The following RUNX1 variants were observed in gnomAD, a reference collection of about 807,000 sequenced individuals.
The protein encoded by RUNX1 is RUNX family transcription factor 1, also known as runt-related transcription factor 1.
RUNX1 carries 19 observed loss-of-function variants against 42.8 expected under a neutral mutation model. The observed-to-expected ratio is 0.44, with a 90% CI of 0.31 to 0.65. RUNX1 has a LOEUF of 0.65. RUNX1 is among the 30% of genes least tolerant of loss of function. The pLI is 0.07. For missense variants in RUNX1, 528 were observed against 672.0 expected (o/e 0.79, Z 2.37); for synonymous variants, 271 against 289.4 (o/e 0.94, Z 0.64).
intron 5 of RUNX1, among the ~76,000 whole-genome samples, chr21:34,860,147 A>G (rs1399788896): frequency 6.6e-6 from 1 of 152,262 alleles, no homozygotes; most frequent in Non-Finnish European, 1.5e-5. Flanking sequence ...GGGATCAGTC[A>G]GAATAAAATT....
chr21:34,943,427 G>C (rs960111826), intron 2 of RUNX1, among the ~76,000 whole-genome samples: 17 of 152,124 alleles, frequency 1.1e-4, no homozygotes, highest in Non-Finnish European at 2.4e-4. Flanking sequence ...ACATTAAAAG[G>C]ATCTTTACTA....
At chr21:34,919,289 C>G (rs150660871) in intron 2 of RUNX1, among the ~76,000 whole-genome samples, 18 of 152,228 alleles carry the variant, frequency 1.2e-4, no homozygotes, top group African/African-American at 4.3e-4. Flanking sequence ...AAAGTGATGA[C>G]CATGGAGAGA....
chr21:34,940,914 G>T (rs1157775925), intron 2 of RUNX1, among the ~76,000 whole-genome samples: 1 of 152,216 alleles, frequency 6.6e-6, no homozygotes, highest in African/African-American at 2.4e-5. Flanking sequence ...GGTCTAGGTT[G>T]CCTTCTCAAT....
chr21:34,851,004 G>A (rs530177386), intron 6 of RUNX1, among the ~76,000 whole-genome samples: 3 of 152,234 alleles, frequency 2.0e-5, no homozygotes, highest in South Asian at 2.1e-4. Context: ...GTGATGTGAC[G>A]GTGGTACTAC....
intron 3 of RUNX1, chr21:34,887,363 G>A: frequency 7.0e-7 from 1 of 1,426,994 alleles, no homozygotes; most frequent in Non-Finnish European, 9.1e-7. Context: ...GCAACCGATT[G>A]CTTAGTGCAT....
chr21:34,788,038 G>A lies in RUNX1; in HGVS notation c.*4097C>T. 4.3e-6 allele frequency: 1 copy of A among 233,316 alleles called. No individual in the cohort carries two copies. Among genetic ancestry groups the A allele is most frequent in the Non-Finnish European group, 8.5e-6 (1 of 118,062 alleles). 14.5% of individuals were successfully genotyped at this position (233,316 alleles called of 1,614,324 possible). A position where few individuals can be genotyped will look rare whatever the true frequency, so the allele number is the denominator to read the frequency against. On this transcript the variant is annotated 3_prime_UTR_variant, in exon 9 of 9. Coordinates refer to ENST00000675419, the MANE Select transcript of RUNX1 (RefSeq NM_001754.5). ...AGTGCCTGCTCTCCTGTGCTATCTA[G>A]AAACACCTTGGAGAGAGGGTTCTGG...
At position 34,899,023 on chromosome 21, in the gene RUNX1, C is replaced by T. The variant is rs28463678; in HGVS notation, c.59-6060G>A. Among the ~76,000 whole-genome samples, 1,126 of 152,296 alleles carry T rather than the reference C, an allele frequency of 7.4e-3. 13 individuals carry two copies. Among genetic ancestry groups the T allele is most frequent in the African/African-American group, 0.025 (1,046 of 41,546 alleles). On this transcript the variant is annotated intron_variant, in intron 2 of 8. Coordinates refer to ENST00000675419, the MANE Select transcript of RUNX1 (RefSeq NM_001754.5). ...CCACCTCCTGGGTTCAAGTGATTCT[C>T]CTGCCTCAGCCTCCTGAGAAGTTGG...
intron 2 of RUNX1, among the ~76,000 whole-genome samples, chr21:34,960,421 G>A (rs1437731665): frequency 6.6e-6 from 1 of 152,198 alleles, no homozygotes; most frequent in Admixed American, 6.5e-5. Flanking sequence ...ACACGTTTGG[G>A]AGATGGAAGA....
intron 5 of RUNX1, among the ~76,000 whole-genome samples, chr21:34,872,322 G>C (rs752931232): frequency 6.6e-6 from 1 of 152,158 alleles, no homozygotes; most frequent in Non-Finnish European, 1.5e-5. Context: ...TCATGAGGGG[G>C]TGGCTACAGT....
intron 2 of RUNX1, among the ~76,000 whole-genome samples, chr21:35,002,094 C>T (rs1052794134): frequency 6.6e-6 from 1 of 152,022 alleles, no homozygotes; most frequent in African/African-American, 2.4e-5. Context: ...TGTAATCCCC[C>T]ATCAAAATCC....
intron 4 of RUNX1, 31 bp from the exon 5 acceptor site, chr21:34,880,744 A>G: frequency 6.2e-7 from 1 of 1,612,462 alleles, no homozygotes; most frequent in Non-Finnish European, 8.5e-7. Flanking sequence ...AAATGCAGAC[A>G]TCAGGGATGT....
intron 2 of RUNX1, among the ~76,000 whole-genome samples, chr21:35,037,603 CAGG>C (rs1353588914): frequency 2.0e-5 from 3 of 152,222 alleles, no homozygotes; most frequent in Non-Finnish European, 4.4e-5. Flanking sequence ...GGCTCTGCTG[CAGG>C]AACTGCCTCT....
intron 2 of RUNX1, among the ~76,000 whole-genome samples, chr21:34,987,063 C>T (rs1402129523): frequency 6.6e-6 from 1 of 152,210 alleles, no homozygotes; most frequent in Non-Finnish European, 1.5e-5. Flanking sequence ...CTTGCACCGC[C>T]CTTGCCATGA....
intron 2 of RUNX1, among the ~76,000 whole-genome samples, chr21:34,919,926 A>G (rs923304608): frequency 6.6e-6 from 1 of 152,150 alleles, no homozygotes; most frequent in Non-Finnish European, 1.5e-5. Flanking sequence ...TTCCTTCCTC[A>G]CGGTAATTGA....
intron 5 of RUNX1, among the ~76,000 whole-genome samples, chr21:34,874,230 A>G (rs1207340483): frequency 6.6e-6 from 1 of 151,944 alleles, no homozygotes; most frequent in Non-Finnish European, 1.5e-5. Flanking sequence ...CACTCTCCCC[A>G]TATTGACAGT....
At chr21:34,867,386 G>A (rs952121743) in intron 5 of RUNX1, among the ~76,000 whole-genome samples, 4 of 152,180 alleles carry the variant, frequency 2.6e-5, no homozygotes, top group African/African-American at 7.2e-5. Context: ...GTTGCAGTGA[G>A]CCGAGATCAC....
intron 7 of RUNX1, among the ~76,000 whole-genome samples, chr21:34,815,352 T>G (rs890070594): frequency 2.4e-4 from 36 of 151,968 alleles, no homozygotes; most frequent in African/African-American, 8.7e-4. Flanking sequence ...AGGAGAATGC[T>G]GGGGAGGGGA....
At chr21:34,897,555 A>G (rs2058140456) in intron 2 of RUNX1, among the ~76,000 whole-genome samples, 1 of 152,214 alleles carries the variant, frequency 6.6e-6, no homozygotes, top group South Asian at 2.1e-4. Flanking sequence ...GACTTGAATT[A>G]TAATATATTT....
chr21:35,043,064 G>A (rs1382032764), intron 2 of RUNX1, among the ~76,000 whole-genome samples: 4 of 152,102 alleles, frequency 2.6e-5, no homozygotes, highest in African/African-American at 4.8e-5. Flanking sequence ...AGAGCAGTGT[G>A]TCTGAGCTTA....
Sources: allele counts gnomAD v4.1 joint callset (sites outside exome capture counted in the v4.1 genomes callset), GRCh38; gene constraint gnomAD v4.1.1; transcripts MANE v1.5; gene names NCBI Gene and HGNC (gene_info 2026-07-23, HGNC 2026-07-21).